Variants in LRP1B observed in about 807,000 individuals in gnomAD.
The protein encoded by LRP1B is LDL receptor related protein 1B.
LRP1B carries 217 observed loss-of-function variants against 556.6 expected under a neutral mutation model. The observed-to-expected ratio is 0.39, with a 90% CI of 0.35 to 0.44. LRP1B has a LOEUF of 0.44. Among genes scored for constraint, LRP1B ranks in the 20% least tolerant of loss-of-function variants. The pLI is 1.00. For synonymous variants in LRP1B, 2,047 were observed against 1,865.8 expected (o/e 1.10, Z -2.50); for missense variants, 5,053 against 5,620.8 (o/e 0.90, Z 3.23).
intron 7 of LRP1B, among the ~76,000 whole-genome samples, chr2:141,143,182 G>T (rs1701701214): frequency 6.6e-6 from 1 of 152,060 alleles, no homozygotes; most frequent in Non-Finnish European, 1.5e-5. Context: ...ACCCCACTCG[G>T]CCTCCCAAAG....
chr2:141,364,319 T>C (rs983784111), intron 3 of LRP1B, among the ~76,000 whole-genome samples: 3 of 145,508 alleles, frequency 2.1e-5, no homozygotes, highest in Non-Finnish European at 3.0e-5. Context: ...AGTTGAATGA[T>C]TAAATCACAT....
chr2:141,123,343 T>C (rs1701116037), intron 7 of LRP1B, among the ~76,000 whole-genome samples: 1 of 152,026 alleles, frequency 6.6e-6, no homozygotes, highest in Admixed American at 6.6e-5. Context: ...TTTAGTAACT[T>C]TTACAATACT....
At chr2:141,020,148 A>G (rs1698024437) in intron 11 of LRP1B, 46 bp from the exon 12 acceptor site, 1 of 1,287,930 alleles carries the variant, frequency 7.8e-7, no homozygotes, top group African/African-American at 1.5e-5. Context: ...TTACAACTAT[A>G]GTAAAATTAG....
rs70988414 is a variant in LRP1B at position 140,640,383 on chromosome 2, CTTTTTTTTT to C, written c.6800-38753_6800-38745del. On this transcript the variant is annotated intron_variant, in intron 41 of 90. Coordinates refer to ENST00000389484, the MANE Select transcript of LRP1B (RefSeq NM_018557.3). ...ATCCACTATTCCCTTGTCCTGTTTT[CTTTTTTTTT>C]TTTTTTTTTTTTTTTTTTTTTGAGA... 7.8e-3 allele frequency among the ~76,000 whole-genome samples: 376 copies of C among 48,428 alleles called. 1 individual carries two copies. The highest frequency in any genetic ancestry group is 0.031 in the African/African-American group (358 of 11,666). The allele number at this position is 48,428 out of a possible 152,430, so 31.8% of individuals were successfully genotyped here.
At position 140,231,772 on chromosome 2, in the gene LRP1B, A is replaced by G. The variant is rs1337947578; in HGVS notation, c.*1414T>C. On this transcript the variant is annotated 3_prime_UTR_variant, in exon 91 of 91. Transcript: ENST00000389484. The stretch of plus-strand genomic sequence containing the variant: ...AGGGATAAAGAGCAACCACATATTT[A>G]ACATATTTCATCTGTTAGGTTAATA... 1.3e-5 allele frequency: 2 copies of G among 151,744 alleles called. No homozygotes were observed. Among genetic ancestry groups the G allele is most frequent in the Non-Finnish European group, 3.0e-5 (2 of 67,530 alleles). 9.4% of individuals were successfully genotyped at this position (151,744 alleles called of 1,614,324 possible).
At chr2:141,128,782 A>G (rs987665885) in intron 7 of LRP1B, among the ~76,000 whole-genome samples, 3 of 152,132 alleles carry the variant, frequency 2.0e-5, no homozygotes, top group Non-Finnish European at 1.5e-5. Context: ...CACCATGCTC[A>G]GCTAATATAA....
intron 3 of LRP1B, among the ~76,000 whole-genome samples, chr2:141,471,932 A>C (rs6759190): frequency 6.6e-6 from 1 of 152,078 alleles, no homozygotes; most frequent in Non-Finnish European, 1.5e-5. Flanking sequence ...AGATAAACAC[A>C]GGCTACCAGG....
Position 141,612,880 on chromosome 2 carries a change from G to T in LRP1B, c.206-132347C>A, listed in dbSNP as rs569123615. Among the ~76,000 whole-genome samples the T allele has an allele frequency of 5.6e-3, 845 of 152,220 alleles. 8 individuals are homozygous for T. Among genetic ancestry groups the T allele is most frequent in the African/African-American group, 0.019 (797 of 41,536 alleles). ...TGCAGTGGTGCAATCTCAGCTCACT[G>T]CAAGCTCTCCCTCCCTGGTTCATGC... On this transcript the variant is annotated intron_variant, in intron 2 of 90. Coordinates refer to ENST00000389484, the MANE Select transcript of LRP1B (RefSeq NM_018557.3).
At chr2:141,083,435 T>C (rs1031742704) in intron 7 of LRP1B, among the ~76,000 whole-genome samples, 4 of 149,974 alleles carry the variant, frequency 2.7e-5, no homozygotes, top group African/African-American at 7.4e-5. Context: ...CAGTACTAAA[T>C]AAGATAAAGT....
intron 77 of LRP1B, among the ~76,000 whole-genome samples, chr2:140,348,650 C>A (rs1681806017): frequency 1.3e-5 from 2 of 151,980 alleles, no homozygotes; most frequent in African/African-American, 4.8e-5. Flanking sequence ...GTTTTATATC[C>A]TATTCAAATA....
chr2:140,296,802 C>G (rs1683623547), intron 84 of LRP1B, among the ~76,000 whole-genome samples: 2 of 151,946 alleles, frequency 1.3e-5, no homozygotes, highest in Non-Finnish European at 2.9e-5. Context: ...ACTTGACTTT[C>G]ATAAAAGATA....
chr2:140,924,196 A>G (rs1030232293), intron 20 of LRP1B, among the ~76,000 whole-genome samples: 4 of 152,018 alleles, frequency 2.6e-5, no homozygotes, highest in Non-Finnish European at 5.9e-5. Context: ...TTTGGTAGAT[A>G]TCTATGGTTA....
rs1045879447 is a variant in LRP1B at position 141,646,427 on chromosome 2, A to T, written c.205+163852T>A. On this transcript the variant is annotated intron_variant, in intron 2 of 90. Transcript: ENST00000389484. ...ATTTAAGAGAGGAATCAATCTGCAA[A>T]TGCTCATTGAGGGCCTGTGATACAC... Among the ~76,000 whole-genome samples the T allele has an allele frequency of 3.9e-5, 6 of 152,258 alleles. No individual in the cohort carries two copies. In the East Asian group the frequency reaches 1.2e-3, roughly 29 times the overall value.
chr2:141,130,725 C>G (rs984640528), intron 7 of LRP1B, among the ~76,000 whole-genome samples: 1 of 152,088 alleles, frequency 6.6e-6, no homozygotes, highest in African/African-American at 2.4e-5. Flanking sequence ...AATGGTTGAA[C>G]TAATTTACAC....
At chr2:141,711,930 G>C (rs1026202309) in intron 2 of LRP1B, among the ~76,000 whole-genome samples, 3 of 147,932 alleles carry the variant, frequency 2.0e-5, no homozygotes, top group Non-Finnish European at 4.4e-5. Context: ...TTCTCTCTCT[G>C]TCATAAATAT....
chr2:141,279,061 G>A (rs767957045), intron 3 of LRP1B, among the ~76,000 whole-genome samples: 12 of 151,902 alleles, frequency 7.9e-5, no homozygotes, highest in Non-Finnish European at 1.5e-4. Flanking sequence ...TTTATGTGAA[G>A]AATAATTATT....
At chr2:140,782,180 G>T (rs965893809) in intron 32 of LRP1B, among the ~76,000 whole-genome samples, 1 of 152,164 alleles carries the variant, frequency 6.6e-6, no homozygotes, top group Non-Finnish European at 1.5e-5. Context: ...TAGGGGTTAA[G>T]CTGTGTATAA....
chr2:141,158,017 A>C (rs1702111589), intron 7 of LRP1B, among the ~76,000 whole-genome samples: 1 of 152,156 alleles, frequency 6.6e-6, no homozygotes, highest in Non-Finnish European at 1.5e-5. Flanking sequence ...TTATCTATTA[A>C]AAGGTTTTTT....
At chr2:141,132,541 G>A (rs764589719) in intron 7 of LRP1B, among the ~76,000 whole-genome samples, 1 of 151,842 alleles carries the variant, frequency 6.6e-6, no homozygotes, top group Non-Finnish European at 1.5e-5. Flanking sequence ...CCCAGTCTCA[G>A]ATATTCTTTT....
Sources: allele counts gnomAD v4.1 joint callset (sites outside exome capture counted in the v4.1 genomes callset), GRCh38; gene constraint gnomAD v4.1.1; transcripts MANE v1.5; gene names NCBI Gene and HGNC (gene_info 2026-07-23, HGNC 2026-07-21).